The following ANO5 variants were observed in gnomAD, a reference collection of about 807,000 sequenced individuals.
ANO5 encodes the protein anoctamin-5.
In ANO5, 109 loss-of-function variants were observed where a neutral mutation model predicts 121.0. The ratio of observed to expected loss-of-function variants is 0.90; its 90% CI spans 0.77 to 1.06. The LOEUF (loss-of-function observed/expected upper bound fraction) is 1.06, where lower values mean the gene tolerates loss of function less well. Among genes scored for constraint, ANO5 ranks in the 50% least tolerant of loss-of-function variants. The pLI is 0.00. For synonymous variants in ANO5, 406 were observed against 359.9 expected, an observed-to-expected ratio of 1.13 and a Z score of -1.45; for missense variants, 1,064 against 1,078.5, an observed-to-expected ratio of 0.99 and a Z score of 0.19.
At position 22,236,150 on chromosome 11, in the gene ANO5, A is replaced by G; in HGVS notation, c.649-13A>G. 1.9e-6 allele frequency: 3 copies of G among 1,551,288 alleles called. No individual in the cohort carries two copies. Among genetic ancestry groups the G allele is most frequent in the Non-Finnish European group, 2.7e-6 (3 of 1,123,372 alleles). On this transcript the variant is annotated splice_polypyrimidine_tract_variant and intron_variant, in intron 7 of 21. Coordinates refer to ENST00000324559, the MANE Select transcript of ANO5 (RefSeq NM_213599.3). ...CTGAGATGTGATAGTGTCTCTTTGC[A>G]CTTACCTTGTAGGTGTACTATATTC...
At chr11:22,256,839 C>G (rs78813926) in intron 13 of ANO5, among the ~76,000 whole-genome samples, 4,245 of 152,182 alleles carry the variant, frequency 0.028, 187 homozygotes, top group African/African-American at 0.096. Flanking sequence ...CATGTGCACC[C>G]ACACAAATAT....
chr11:22,268,420 G>A (rs1360345573), intron 17 of ANO5, among the ~76,000 whole-genome samples: 1 of 147,440 alleles, frequency 6.8e-6, no homozygotes, highest in Admixed American at 6.6e-5. Flanking sequence ...AATTGCTATT[G>A]TAAATGATAT....
In ANO5 at chr11:22,220,534, G is replaced by T. The variant is rs77344747; in HGVS notation, c.181-563G>T. On this transcript the variant is annotated intron_variant, in intron 4 of 21. Coordinates refer to ENST00000324559, the MANE Select transcript of ANO5 (RefSeq NM_213599.3). ...ACCTGGGAAATTGATGTTGAAGGGC[G>T]AGTTGCATGAAACCTAACTTGTGAT... Among the ~76,000 whole-genome samples the T allele has an allele frequency of 3.3e-3, 508 of 152,044 alleles. 2 individuals are homozygous for T. Among genetic ancestry groups the T allele is most frequent in the African/African-American group, 0.012 (481 of 41,524 alleles).
In ANO5 at chr11:22,262,137, C is replaced by A. The variant is rs747719953; in HGVS notation, c.1639C>A (p.Arg547=). The A allele has an allele frequency of 6.2e-7, 1 of 1,613,216 alleles. No individual in the cohort carries two copies. The highest frequency in any genetic ancestry group is 2.2e-5 in the East Asian group (1 of 44,852). ...TTTTTTTAACTTAACAGAAATTCCT[C>A]GAACATACCAGGAGTATGAGAGCAG... is the stretch of plus-strand genomic sequence containing the variant. The part of the protein sequence containing the change: ...SAWITKMEIP[R]TYQEYESSLT... Residue 547 remains arginine, a synonymous_variant, in exon 16 of 22, where the codon CGA becomes AGA. Coordinates refer to ENST00000324559, the MANE Select transcript of ANO5 (RefSeq NM_213599.3).
At chr11:22,204,571 G>T (rs957524150) in intron 2 of ANO5, among the ~76,000 whole-genome samples, 5 of 152,110 alleles carry the variant, frequency 3.3e-5, no homozygotes, top group African/African-American at 1.2e-4. Flanking sequence ...CGTCCTTCTA[G>T]AATAGGTTGG....
At chr11:22,279,005 G>A (rs557460935) in intron 21 of ANO5, among the ~76,000 whole-genome samples, 1 of 151,828 alleles carries the variant, frequency 6.6e-6, no homozygotes, top group African/African-American at 2.4e-5. Flanking sequence ...ATAGCATGGA[G>A]TGAAAGAATA....
intron 17 of ANO5, among the ~76,000 whole-genome samples, chr11:22,269,077 G>A (rs538019994): frequency 6.6e-6 from 1 of 150,724 alleles, no homozygotes; most frequent in South Asian, 2.1e-4. Context: ...AAGAAGGAGG[G>A]AAGGAAGGAC....
At chr11:22,264,862 G>A (rs73481701) in intron 17 of ANO5, among the ~76,000 whole-genome samples, 18,800 of 152,076 alleles carry the variant, frequency 0.12, 3,294 homozygotes, top group African/African-American at 0.39. Context: ...GCCTGGACAT[G>A]GTTGAAGAAT....
At chr11:22,267,492 A>G in intron 17 of ANO5, among the ~76,000 whole-genome samples, 1 of 146,384 alleles carries the variant, frequency 6.8e-6, no homozygotes, top group Non-Finnish European at 1.5e-5. Flanking sequence ...TCTACATACC[A>G]TATAAATATC....
In ANO5 at chr11:22,279,684, C is replaced by A; in HGVS notation, c.2661C>A (p.Asn887Lys). Residue 887 changes from asparagine to lysine, a missense_variant, in exon 22 of 22, where the codon AAC becomes AAA. Asn to Lys is a moderately conservative substitution (Grantham distance 94, BLOSUM62 0). Transcript: ENST00000324559. ...TTGAGCTCAACAAATTAAAAGAGAA[C>A]TTGGGAATTAATTCTAATGAATTTG... ...HDFELNKLKENLGINSNEFAK... is the reference protein window; with the variant it reads ...HDFELNKLKEKLGINSNEFAK... The A allele has an allele frequency of 1.2e-6, 2 of 1,612,806 alleles. No homozygotes were observed. The highest frequency in any genetic ancestry group is 1.7e-6 in the Non-Finnish European group (2 of 1,179,136).
chr11:22,227,466 A>T lies in ANO5; in HGVS notation c.528A>T (p.Pro176=). 6.2e-7 allele frequency: 1 copy of T among 1,613,588 alleles called. No homozygotes were observed. The highest frequency in any genetic ancestry group is 8.5e-7 in the Non-Finnish European group (1 of 1,179,770). Residue 176 remains proline (P), a synonymous_variant, in exon 7 of 22, where the codon CCA becomes CCT. Coordinates refer to ENST00000324559, the MANE Select transcript of ANO5 (RefSeq NM_213599.3). ...ATGTGCTTGGACCTGTAAGACTCCC[A>T]CTGAGTGTGAAGTATCCCCATCCTG... The part of the protein sequence containing the change: ...ISYVLGPVRL[P]LSVKYPHPEY...
intron 21 of ANO5, chr11:22,278,156 A>G (rs1390890495): frequency 1.3e-5 from 2 of 151,490 alleles, no homozygotes. Context: ...GTCTTTGTGT[A>G]TTATCTATTT....
chr11:22,221,521 C>T (rs974350441), intron 5 of ANO5, among the ~76,000 whole-genome samples: 1 of 151,906 alleles, frequency 6.6e-6, no homozygotes, highest in East Asian at 1.9e-4. Flanking sequence ...ATAATAATTA[C>T]CTTTTGTATG....
intron 17 of ANO5, among the ~76,000 whole-genome samples, chr11:22,269,645 T>G (rs1384294542): frequency 2.7e-5 from 4 of 147,216 alleles, no homozygotes; most frequent in Non-Finnish European, 5.9e-5. Context: ...ACTGAAATAA[T>G]TTTTTTCTAT....
chr11:22,243,524 A>G (rs1174925911), intron 9 of ANO5, among the ~76,000 whole-genome samples: 1 of 151,940 alleles, frequency 6.6e-6, no homozygotes, highest in Non-Finnish European at 1.5e-5. Context: ...ATCTGCTAGT[A>G]TTTGGGTGTG....
chr11:22,273,396 G>T (rs577790910), intron 19 of ANO5, among the ~76,000 whole-genome samples: 5 of 151,992 alleles, frequency 3.3e-5, no homozygotes, highest in Non-Finnish European at 7.4e-5. Flanking sequence ...CTTTTACAAT[G>T]CATTTTCACC....
At chr11:22,246,856 C>CAAAAAAAA (rs10565920) in intron 9 of ANO5, among the ~76,000 whole-genome samples, 89 of 61,788 alleles carry the variant, frequency 1.4e-3, no homozygotes, top group Middle Eastern at 0.018. Context: ...GACCCTGTTT[C>CAAAAAAAA]AAAAAAAAAA....
At chr11:22,226,181 AC>A in intron 6 of ANO5, 129 bp downstream of exon 6, 1 of 740,232 alleles carries the variant, frequency 1.4e-6, no homozygotes, top group Non-Finnish European at 2.4e-6. Flanking sequence ...AGATATGTGC[AC>A]CGGGATGATA....
intron 17 of ANO5, among the ~76,000 whole-genome samples, chr11:22,265,949 CT>C: frequency 6.6e-6 from 1 of 152,166 alleles, no homozygotes; most frequent in East Asian, 1.9e-4. Flanking sequence ...AATTTGTGCT[CT>C]AGCCAAATAT....
Sources: gnomAD v4.1 joint callset for allele counts (sites outside exome capture counted in the v4.1 genomes callset) on GRCh38, gnomAD v4.1.1 for gene constraint, MANE v1.5 for transcripts, NCBI Gene and HGNC (gene_info 2026-07-23, HGNC 2026-07-21) for gene names.